SPAG16: variants seen among roughly 807,000 people sequenced by gnomAD.
SPAG16 encodes the protein sperm associated antigen 16.
A neutral mutation model predicts 80.4 loss-of-function variants in SPAG16; 86 were observed. That is an observed-to-expected ratio of 1.07 (90% confidence interval 0.90 to 1.28). SPAG16 has a LOEUF of 1.28. SPAG16 is among the 50% of genes most tolerant of loss of function. The pLI, the probability that SPAG16 is intolerant of heterozygous loss-of-function variation, is 0.00. For synonymous variants in SPAG16, 294 were observed against 265.9 expected (o/e 1.11, Z -1.03); for missense variants, 870 against 765.3 (o/e 1.14, Z -1.61).
intron 10 of SPAG16, among the ~76,000 whole-genome samples, chr2:213,553,598 T>A (rs1354900423): frequency 6.6e-6 from 1 of 152,162 alleles, no homozygotes; most frequent in Non-Finnish European, 1.5e-5. Flanking sequence ...TCAAAATGTA[T>A]ACCCATCTCT....
intron 15 of SPAG16, 61 bp from the exon 16 acceptor site, chr2:214,410,077 CTG>C: frequency 5.1e-6 from 8 of 1,575,348 alleles, no homozygotes; most frequent in Admixed American, 1.7e-5. Context: ...TGCTTATAAA[CTG>C]TGAACACTTG....
chr2:214,165,284 T>A (rs1006428412), intron 15 of SPAG16, among the ~76,000 whole-genome samples: 2 of 151,992 alleles, frequency 1.3e-5, no homozygotes, highest in Non-Finnish European at 2.9e-5. Flanking sequence ...TTTGAAGTAA[T>A]GTGAAATAGT....
chr2:213,836,028 A>AGT (rs1263065353), intron 10 of SPAG16, among the ~76,000 whole-genome samples: 1 of 152,188 alleles, frequency 6.6e-6, no homozygotes, highest in African/African-American at 2.4e-5. Flanking sequence ...AGACAAATTC[A>AGT]GTGGAAATTG....
chr2:214,246,692 A>G (rs148548605), intron 15 of SPAG16, among the ~76,000 whole-genome samples: 1 of 152,152 alleles, frequency 6.6e-6, no homozygotes, highest in East Asian at 1.9e-4. Flanking sequence ...GAGAGACTTT[A>G]AGCTAAAACC....
chr2:213,872,409 T>G (rs1330028820), intron 11 of SPAG16, among the ~76,000 whole-genome samples: 1 of 152,160 alleles, frequency 6.6e-6, no homozygotes, highest in African/African-American at 2.4e-5. Context: ...CTTCCACAAC[T>G]ATAGTTGAGT....
intron 10 of SPAG16, among the ~76,000 whole-genome samples, chr2:213,618,701 G>T (rs1308125960): frequency 6.8e-6 from 1 of 146,654 alleles, no homozygotes; most frequent in Non-Finnish European, 1.5e-5. Context: ...TTTTCATGAG[G>T]ATTTCTGTTT....
intron 10 of SPAG16, among the ~76,000 whole-genome samples, chr2:213,644,763 C>T (rs1448179872): frequency 6.6e-6 from 1 of 152,194 alleles, no homozygotes; most frequent in Non-Finnish European, 1.5e-5. Flanking sequence ...AACATAAGCA[C>T]CACTGTGGCT....
chr2:214,396,632 T>C (rs758343076), intron 15 of SPAG16, among the ~76,000 whole-genome samples: 16 of 152,172 alleles, frequency 1.1e-4, no homozygotes, highest in Non-Finnish European at 2.2e-4. Flanking sequence ...ATGTGTTTTG[T>C]TCTTAAGATT....
intron 15 of SPAG16, among the ~76,000 whole-genome samples, chr2:214,408,003 C>A (rs1285129201): frequency 6.6e-6 from 1 of 152,062 alleles, no homozygotes; most frequent in Non-Finnish European, 1.5e-5. Context: ...TGAAAAACCG[C>A]ATAATAAATT....
intron 15 of SPAG16, among the ~76,000 whole-genome samples, chr2:214,250,772 A>AGC (rs1690228500): frequency 1.4e-5 from 2 of 145,592 alleles, no homozygotes; most frequent in African/African-American, 5.0e-5. Flanking sequence ...AGAGAGAGAG[A>AGC]GAGAGAGAGA....
intron 10 of SPAG16, among the ~76,000 whole-genome samples, chr2:213,643,484 G>A (rs1430126807): frequency 7.0e-6 from 1 of 143,308 alleles, no homozygotes; most frequent in Non-Finnish European, 1.5e-5. Flanking sequence ...AATGACTTGA[G>A]GTATTCTTTG....
At chr2:213,919,254 AT>A (rs953938693) in intron 11 of SPAG16, among the ~76,000 whole-genome samples, 1 of 149,736 alleles carries the variant, frequency 6.7e-6, no homozygotes, top group African/African-American at 2.5e-5. Flanking sequence ...GGATTCATTG[AT>A]TTTTTTCAGT....
intron 12 of SPAG16, among the ~76,000 whole-genome samples, chr2:213,946,607 C>T (rs1204608866): frequency 6.6e-6 from 1 of 152,170 alleles, no homozygotes; most frequent in Non-Finnish European, 1.5e-5. Context: ...TAATATTTTA[C>T]ATAACCATTG....
At chr2:213,765,347 G>C (rs1009147880) in intron 10 of SPAG16, among the ~76,000 whole-genome samples, 2 of 152,148 alleles carry the variant, frequency 1.3e-5, no homozygotes, top group African/African-American at 4.8e-5. Context: ...CCAGCCTGGT[G>C]ACAGAGTGAG....
chr2:213,359,369 C>T (rs553884059), intron 7 of SPAG16, among the ~76,000 whole-genome samples: 5 of 152,096 alleles, frequency 3.3e-5, no homozygotes, highest in Admixed American at 3.3e-4. Flanking sequence ...TCAGCTATGC[C>T]CTGCCCACAG....
intron 15 of SPAG16, among the ~76,000 whole-genome samples, chr2:214,170,195 T>TACATATACACACACACTTAGGTGTGTAC (rs2056819599): frequency 7.7e-6 from 1 of 130,532 alleles, no homozygotes. Context: ...TAGGTGTGTA[T>TACATATACACACACACTTAGGTGTGTAC]ACATATACAC....
intron 10 of SPAG16, among the ~76,000 whole-genome samples, chr2:213,625,023 C>A (rs2061913694): frequency 6.6e-6 from 1 of 152,010 alleles, no homozygotes; most frequent in Non-Finnish European, 1.5e-5. Flanking sequence ...ACTCCTGACC[C>A]CTCAGGTCAT....
intron 10 of SPAG16, among the ~76,000 whole-genome samples, chr2:213,836,202 A>T (rs2074070428): frequency 7.6e-6 from 1 of 131,388 alleles, no homozygotes; most frequent in Non-Finnish European, 1.6e-5. Context: ...CCTATGTCTG[A>T]GAGAATAAAA....
intron 13 of SPAG16, among the ~76,000 whole-genome samples, chr2:214,080,886 A>C (rs1438478346): frequency 1.3e-5 from 2 of 151,810 alleles, no homozygotes; most frequent in East Asian, 3.9e-4. Context: ...AAAAATACAG[A>C]TATACAGATG....
Sources: gnomAD v4.1 joint callset for allele counts (sites outside exome capture counted in the v4.1 genomes callset) on GRCh38, gnomAD v4.1.1 for gene constraint, MANE v1.5 for transcripts, NCBI Gene and HGNC (gene_info 2026-07-23, HGNC 2026-07-21) for gene names.